The following SERPINE2 variants were observed in gnomAD, a reference collection of about 807,000 sequenced individuals.
SERPINE2 encodes the protein glia-derived nexin.
In SERPINE2, 14 loss-of-function variants were observed where a neutral mutation model predicts 36.3. That is an observed-to-expected ratio of 0.39 (90% CI 0.25 to 0.60). The LOEUF (loss-of-function observed/expected upper bound fraction) is 0.60. Among genes scored for constraint, SERPINE2 ranks in the 20% least tolerant of loss-of-function variants. SERPINE2 has a pLI of 0.57. For missense variants in SERPINE2, 418 were observed against 499.6 expected, an observed-to-expected ratio of 0.84 and a Z score of 1.56; for synonymous variants, 192 against 191.8, an observed-to-expected ratio of 1.00 and a Z score of -0.01.
Position 224,032,847 on chromosome 2 carries a change from T to C in SERPINE2, c.-23+6252A>G, listed in dbSNP as rs1692423868. 2.0e-5 allele frequency among the ~76,000 whole-genome samples: 3 copies of C among 152,316 alleles called. No individual in the cohort carries two copies. In the East Asian group the frequency reaches 5.8e-4, roughly 29 times the overall value. ...CAAATAGAGGATTGCTTGGGCTCAGTGGCCATCCTCATGCACAGAAAGAAT... is the reference window on the plus strand; with the variant it reads ...CAAATAGAGGATTGCTTGGGCTCAGCGGCCATCCTCATGCACAGAAAGAAT... On this transcript the variant is annotated intron_variant, in intron 1 of 8. Transcript: ENST00000409304.
Position 223,991,890 on chromosome 2 carries a change from C to T in SERPINE2, c.598G>A (p.Glu200Lys). The change falls in exon 4 of 9, where the codon GAG (glutamate) becomes AAG (lysine). Residue 200 changes from glutamate to lysine, a missense_variant. By Grantham distance (56) the Glu-to-Lys change is moderately conservative. Coordinates refer to ENST00000409304, the MANE Select transcript of SERPINE2 (RefSeq NM_001136528.2). ...ACGAAAGTGCGTTTCTTTGTGTTCT[C>T]GGGTTGGAACCGTGATTTCCACAGA... is the stretch of plus-strand genomic sequence containing the variant. ...KGLWKSRFQP[E>K]NTKKRTFVAA... is the part of the protein sequence containing the mutation. 2.5e-6 allele frequency: 4 copies of T among 1,612,972 alleles called. No individual in the cohort carries two copies. The highest frequency in any genetic ancestry group is 3.4e-6 in the Non-Finnish European group (4 of 1,179,544).
chr2:224,003,295 G>C (rs1183155902), intron 1 of SERPINE2, among the ~76,000 whole-genome samples: 1 of 152,130 alleles, frequency 6.6e-6, no homozygotes, highest in Admixed American at 6.5e-5. Context: ...GTTCAGATCT[G>C]GTAAGGTCCT....
At chr2:223,995,053 G>C (rs1272465536) in intron 3 of SERPINE2, among the ~76,000 whole-genome samples, 1 of 152,194 alleles carries the variant, frequency 6.6e-6, no homozygotes, top group East Asian at 1.9e-4. Flanking sequence ...GGAAGAGGGA[G>C]AGAAGGCAGC....
chr2:223,999,215 G>A (rs1691009403), intron 2 of SERPINE2, among the ~76,000 whole-genome samples: 1 of 152,172 alleles, frequency 6.6e-6, no homozygotes, highest in Non-Finnish European at 1.5e-5. Flanking sequence ...AGAGTAAGGA[G>A]ATTAATTTTA....
intron 2 of SERPINE2, among the ~76,000 whole-genome samples, chr2:223,998,859 T>C (rs1690997821): frequency 6.6e-6 from 1 of 152,228 alleles, no homozygotes; most frequent in Non-Finnish European, 1.5e-5. Flanking sequence ...AAATCAACTG[T>C]GCTTCTGCAT....
At chr2:223,989,336 T>C (rs560124210) in intron 4 of SERPINE2, among the ~76,000 whole-genome samples, 1 of 152,308 alleles carries the variant, frequency 6.6e-6, no homozygotes, top group Admixed American at 6.5e-5. Flanking sequence ...ATGACAATGT[T>C]TTGGCAAAGT....
In SERPINE2 at chr2:224,009,612, T is replaced by C. The variant is rs576296882; in HGVS notation, c.-22-7690A>G. On this transcript the variant is annotated intron_variant, in intron 1 of 8. Coordinates refer to ENST00000409304, the MANE Select transcript of SERPINE2 (RefSeq NM_001136528.2). ...CCAGAGGCTGAGGTGTGGGAATCGCTTGAACCCAGGAGGTGGAGGCTGCAG... is the reference window on the plus strand; with the variant it reads ...CCAGAGGCTGAGGTGTGGGAATCGCCTGAACCCAGGAGGTGGAGGCTGCAG... 5.9e-5 allele frequency among the ~76,000 whole-genome samples: 9 copies of C among 152,164 alleles called. No individual in the cohort carries two copies. The South Asian group carries it at 1.9e-3, about 32-fold the overall frequency.
Position 224,005,084 on chromosome 2 carries a change from TATATATATATATAA to T in SERPINE2, c.-22-3176_-22-3163del, listed in dbSNP as rs1383627569. 2.9e-4 allele frequency among the ~76,000 whole-genome samples: 29 copies of T among 98,494 alleles called. 1 individual carries two copies. Among genetic ancestry groups the T allele is most frequent in the East Asian group, 1.4e-3 (5 of 3,604 alleles). The allele number at this position is 98,494 out of a possible 152,430, so 64.6% of individuals were successfully genotyped here. A position where few individuals can be genotyped will look rare whatever the true frequency, so the allele number is the denominator to read the frequency against. ...TATATATTATATATATATATATATA[TATATATATATATAA>T]AACATTGTAAAAACAGGGTGAAAGG... On this transcript the variant is annotated intron_variant, in intron 1 of 8. Transcript: ENST00000409304.
chr2:224,017,479 G>A (rs988091392), intron 1 of SERPINE2, among the ~76,000 whole-genome samples: 23 of 152,204 alleles, frequency 1.5e-4, no homozygotes, highest in African/African-American at 5.1e-4. Flanking sequence ...CAGTTTTAGG[G>A]TGCTTGCATA....
intron 3 of SERPINE2, among the ~76,000 whole-genome samples, chr2:223,995,042 G>A (rs1197312601): frequency 6.6e-6 from 1 of 152,170 alleles, no homozygotes; most frequent in African/African-American, 2.4e-5. Flanking sequence ...GCCTTAACCA[G>A]GGAAGAGGGA....
intron 1 of SERPINE2, chr2:224,010,330 G>A: frequency 1.0e-6 from 1 of 984,688 alleles, no homozygotes; most frequent in Non-Finnish European, 1.2e-6. Context: ...ACCTAAAAAT[G>A]TTTAGGAAAT....
chr2:223,999,928 G>A (rs1357744660), intron 2 of SERPINE2, among the ~76,000 whole-genome samples: 3 of 152,208 alleles, frequency 2.0e-5, no homozygotes, highest in Non-Finnish European at 4.4e-5. Flanking sequence ...AGAAGAGTGT[G>A]TTCCAAGTAT....
intron 1 of SERPINE2, chr2:224,030,275 G>T: frequency 3.1e-6 from 3 of 968,598 alleles, no homozygotes; most frequent in Non-Finnish European, 3.7e-6. Context: ...AGCAGGAAAG[G>T]TGTCTGGAAA....
intron 1 of SERPINE2, among the ~76,000 whole-genome samples, chr2:224,003,742 G>T (rs1344932103): frequency 1.3e-5 from 2 of 152,194 alleles, no homozygotes; most frequent in Non-Finnish European, 2.9e-5. Context: ...AGCAGCATTC[G>T]TGATGTTGCT....
chr2:223,984,691 G>C (rs370456195), intron 5 of SERPINE2, 61 bp downstream of exon 5: 16 of 1,511,196 alleles, frequency 1.1e-5, no homozygotes, highest in African/African-American at 1.4e-5. Context: ...TCTGGTGTCC[G>C]ACATAACACC....
chr2:223,984,938 G>A lies in SERPINE2; in HGVS notation c.698C>T (p.Ala233Val). 1.2e-6 allele frequency: 2 copies of A among 1,614,146 alleles called. No individual in the cohort carries two copies. Among genetic ancestry groups the A allele is most frequent in the East Asian group, 2.2e-5 (1 of 44,884 alleles). ...LSVFRCGSTSAPNDLWYNFIE... is the reference protein window; with the variant it reads ...LSVFRCGSTSVPNDLWYNFIE... ...GAAGTTGTACCATAAATCATTGGGGGCACTTGTCGACCCTAAAGAAATCAG... is the reference window on the plus strand; with the variant it reads ...GAAGTTGTACCATAAATCATTGGGGACACTTGTCGACCCTAAAGAAATCAG... The change falls in exon 5 of 9, where the codon GCC (alanine) becomes GTC (valine). Residue 233 changes from alanine (A) to valine (V), a missense_variant. By Grantham distance (64) the Ala-to-Val change is moderately conservative. Coordinates refer to ENST00000409304, the MANE Select transcript of SERPINE2 (RefSeq NM_001136528.2).
intron 3 of SERPINE2, among the ~76,000 whole-genome samples, chr2:223,993,556 GTGTA>G (rs1182887107): frequency 1.4e-5 from 2 of 147,138 alleles, no homozygotes; most frequent in African/African-American, 5.2e-5. Context: ...GTGTGTGTGT[GTGTA>G]TGTGTGTATG....
intron 1 of SERPINE2, among the ~76,000 whole-genome samples, chr2:224,037,143 TC>T (rs1372762832): frequency 9.2e-5 from 14 of 152,312 alleles, no homozygotes; most frequent in African/African-American, 3.4e-4. Context: ...CCTATGAGTA[TC>T]CAACAAAGTA....
rs1690693711 is a variant in SERPINE2, at chr2:223,991,972, A to T, written c.516T>A (p.Asp172Glu). ...GTCTGGTGAGCACACCATCAATAAGATCTGGGGACAGCAGATTGTCAATCA... is the reference window on the plus strand; with the variant it reads ...GTCTGGTGAGCACACCATCAATAAGTTCTGGGGACAGCAGATTGTCAATCA... ...RDMIDNLLSP[D>E]LIDGVLTRLV... The change falls in exon 4 of 9, where the codon GAT (aspartate) becomes GAA (glutamate). Residue 172 changes from aspartate to glutamate, a missense_variant. Physicochemically the swap from Asp to Glu is conservative, Grantham distance 45 (BLOSUM62 2). Transcript: ENST00000409304. 3.7e-6 allele frequency: 6 copies of T among 1,614,088 alleles called. No individual in the cohort carries two copies. Among genetic ancestry groups the T allele is most frequent in the Non-Finnish European group, 5.1e-6 (6 of 1,179,990 alleles).
Sources: gnomAD v4.1 joint callset for allele counts (sites outside exome capture counted in the v4.1 genomes callset) on GRCh38, gnomAD v4.1.1 for gene constraint, MANE v1.5 for transcripts, NCBI Gene and HGNC (gene_info 2026-07-23, HGNC 2026-07-21) for gene names.